CACHD1: variants seen among roughly 807,000 people sequenced by gnomAD.
The protein encoded by CACHD1 is cache domain containing 1.
Under a neutral mutation model 138.7 loss-of-function variants are expected in CACHD1, and 71 were observed. The ratio of observed to expected loss-of-function variants is 0.51; its 90% CI spans 0.42 to 0.62. The LOEUF is 0.62. CACHD1 is among the 20% of genes least tolerant of loss of function. CACHD1 has a pLI of 0.00. For synonymous variants in CACHD1, 578 were observed against 591.5 expected (o/e 0.98, Z 0.33); for missense variants, 1,389 against 1,625.3 (o/e 0.85, Z 2.50).
chr1:64,632,341 A>G (rs2100640520), intron 5 of CACHD1, among the ~76,000 whole-genome samples: 1 of 151,916 alleles, frequency 6.6e-6, no homozygotes, highest in East Asian at 1.9e-4. Context: ...TTGCTCCTGA[A>G]AAACTTCTCT....
At chr1:64,549,789 C>T (rs1233140517) in intron 1 of CACHD1, among the ~76,000 whole-genome samples, 1 of 140,664 alleles carries the variant, frequency 7.1e-6, no homozygotes, top group East Asian at 2.1e-4. Context: ...GGCTGCTGCT[C>T]TTTTTATTTT....
At chr1:64,495,119 A>G (rs1325583650) in intron 1 of CACHD1, among the ~76,000 whole-genome samples, 5 of 152,110 alleles carry the variant, frequency 3.3e-5, no homozygotes, top group African/African-American at 1.2e-4. Context: ...TTGAAAACAC[A>G]TTTGTTTAGA....
chr1:64,532,898 T>TAGC (rs1399117646), intron 1 of CACHD1, among the ~76,000 whole-genome samples: 3 of 152,194 alleles, frequency 2.0e-5, no homozygotes, highest in African/African-American at 2.4e-5. Context: ...CTAGTAGTAG[T>TAGC]AGCAGCAGCA....
chr1:64,642,617 C>T (rs1419778396), intron 8 of CACHD1, among the ~76,000 whole-genome samples: 3 of 152,118 alleles, frequency 2.0e-5, no homozygotes, highest in African/African-American at 4.8e-5. Flanking sequence ...TCAACCTGTC[C>T]GCTAGTCTGA....
At chr1:64,510,523 G>A (rs1037485207) in intron 1 of CACHD1, among the ~76,000 whole-genome samples, 6 of 152,136 alleles carry the variant, frequency 3.9e-5, no homozygotes, top group South Asian at 2.1e-4. Context: ...ATTCACAGTC[G>A]CCTTTCAGCA....
chr1:64,490,266 T>C (rs1646267784), intron 1 of CACHD1, among the ~76,000 whole-genome samples: 1 of 152,204 alleles, frequency 6.6e-6, no homozygotes, highest in African/African-American at 2.4e-5. Context: ...TGGTTTCCTC[T>C]TGAAATGTCT....
At chr1:64,513,233 T>C (rs551985445) in intron 1 of CACHD1, among the ~76,000 whole-genome samples, 208 of 152,284 alleles carry the variant, frequency 1.4e-3, no homozygotes, top group African/African-American at 4.8e-3. Flanking sequence ...TTTAGGATGT[T>C]TAACAACCTC....
At chr1:64,596,124 A>C (rs1647149327) in intron 3 of CACHD1, among the ~76,000 whole-genome samples, 1 of 152,168 alleles carries the variant, frequency 6.6e-6, no homozygotes, top group Non-Finnish European at 1.5e-5. Flanking sequence ...GGGGTTGAGT[A>C]TTATTTACTT....
intron 5 of CACHD1, 48 bp downstream of exon 5, chr1:64,629,529 T>A (rs1648229116): frequency 6.3e-7 from 1 of 1,584,554 alleles, no homozygotes; most frequent in Non-Finnish European, 8.6e-7. Flanking sequence ...TTAAGAGTGA[T>A]CTACATGAAA....
intron 13 of CACHD1, among the ~76,000 whole-genome samples, chr1:64,663,195 A>T (rs1326903480): frequency 6.6e-6 from 1 of 151,926 alleles, no homozygotes; most frequent in Admixed American, 6.6e-5. Context: ...TTATTGGCGC[A>T]TGTCTTTACT....
At chr1:64,653,711 C>T (rs560313031) in intron 10 of CACHD1, 47 bp from the exon 11 acceptor site, 66 of 1,596,010 alleles carry the variant, frequency 4.1e-5, no homozygotes, top group Non-Finnish European at 4.0e-5. Flanking sequence ...TTCAGAACTT[C>T]CTACAACATG....
chr1:64,626,586 T>C (rs773546241), intron 4 of CACHD1, among the ~76,000 whole-genome samples: 6 of 152,226 alleles, frequency 3.9e-5, no homozygotes, highest in Non-Finnish European at 5.9e-5. Flanking sequence ...CCTGTCTTGC[T>C]AATTGAGCAC....
Position 64,534,375 on chromosome 1 carries a change from C to T in CACHD1, c.199-16219C>T, listed in dbSNP as rs919438880. Among the ~76,000 whole-genome samples, 15 of 152,252 alleles carry T rather than the reference C, an allele frequency of 9.9e-5. 5 individuals are homozygous for T. On this transcript the variant is annotated intron_variant, in intron 1 of 26. Transcript: ENST00000651257. ...TTCTTTCTGTTGTGTTATTTTATCTCTGACTGTGTGTAAAATCTCATTAGG... is the reference window on the plus strand; with the variant it reads ...TTCTTTCTGTTGTGTTATTTTATCTTTGACTGTGTGTAAAATCTCATTAGG...
In CACHD1 at chr1:64,691,841, C is replaced by A; in HGVS notation, c.*280C>A. The A allele has an allele frequency of 2.4e-6, 1 of 418,998 alleles. No homozygotes were observed. Among genetic ancestry groups the A allele is most frequent in the Non-Finnish European group, 4.4e-6 (1 of 227,288 alleles). 26.0% of individuals were successfully genotyped at this position (418,998 alleles called of 1,614,324 possible). A position where few individuals can be genotyped will look rare whatever the true frequency, so the allele number is the denominator to read the frequency against. On this transcript the variant is annotated 3_prime_UTR_variant, in exon 27 of 27. Coordinates refer to ENST00000651257, the MANE Select transcript of CACHD1 (RefSeq NM_020925.4). The stretch of plus-strand genomic sequence containing the variant: ...TAATGGAAGGTAACAGAAGGCGAAC[C>A]TCCAAACACAGAGACGGAACCTGCA...
At chr1:64,640,629 A>C (rs1008234073) in intron 7 of CACHD1, among the ~76,000 whole-genome samples, 1 of 151,928 alleles carries the variant, frequency 6.6e-6, no homozygotes, top group African/African-American at 2.4e-5. Flanking sequence ...AGCTGAGATC[A>C]TACTACTGCA....
chr1:64,564,272 T>C (rs1238676097), intron 2 of CACHD1, among the ~76,000 whole-genome samples: 2 of 152,150 alleles, frequency 1.3e-5, no homozygotes, highest in Non-Finnish European at 2.9e-5. Flanking sequence ...TATCACCTCT[T>C]CTAAGGGCTG....
chr1:64,528,660 T>C (rs1347617474), intron 1 of CACHD1, among the ~76,000 whole-genome samples: 1 of 152,160 alleles, frequency 6.6e-6, no homozygotes, highest in Non-Finnish European at 1.5e-5. Flanking sequence ...TAAAGTGCTT[T>C]TGTTTGAAAG....
intron 9 of CACHD1, among the ~76,000 whole-genome samples, chr1:64,649,532 T>C (rs1649020824): frequency 6.6e-6 from 1 of 152,178 alleles, no homozygotes; most frequent in Non-Finnish European, 1.5e-5. Flanking sequence ...TGCCAGGCAG[T>C]GATGAGTGAG....
intron 9 of CACHD1, among the ~76,000 whole-genome samples, 186 bp from the exon 10 acceptor site, chr1:64,651,975 C>T (rs1312644101): frequency 6.6e-6 from 1 of 152,206 alleles, no homozygotes; most frequent in East Asian, 1.9e-4. Context: ...TTCCCTCCCA[C>T]TCTAACTCAT....
Sources: allele counts gnomAD v4.1 joint callset (sites outside exome capture counted in the v4.1 genomes callset), GRCh38; gene constraint gnomAD v4.1.1; transcripts MANE v1.5; gene names NCBI Gene and HGNC (gene_info 2026-07-23, HGNC 2026-07-21).